The following PRDX6 variants were observed in gnomAD, a reference collection of about 807,000 sequenced individuals.
PRDX6 encodes the protein peroxiredoxin-6.
A neutral mutation model predicts 20.0 loss-of-function variants in PRDX6; 13 were observed. That is an observed-to-expected ratio of 0.65 (90% CI 0.42 to 1.03). PRDX6 has a LOEUF of 1.03. Ranked by LOEUF, PRDX6 falls within the 50% of genes least tolerant of loss-of-function variation. PRDX6 has a pLI of 0.00. For missense variants in PRDX6, 203 were observed against 276.9 expected (o/e 0.73, Z 1.89); for synonymous variants, 85 against 100.8 (o/e 0.84, Z 0.94).
chr1:173,478,221 C>G (rs1658738377), intron 1 of PRDX6, among the ~76,000 whole-genome samples: 1 of 152,236 alleles, frequency 6.6e-6, no homozygotes, highest in African/African-American at 2.4e-5. Context: ...GAACACTCTG[C>G]GTAGGTGTGC....
chr1:173,481,473 C>T lies in PRDX6; in HGVS notation c.243C>T (p.Ala81=). 1 of 1,613,982 alleles carries T rather than the reference C, an allele frequency of 6.2e-7. No individual in the cohort carries two copies. The highest frequency in any genetic ancestry group is 8.5e-7 in the Non-Finnish European group (1 of 1,179,882). Residue 81 remains alanine, a synonymous_variant, in exon 2 of 5, where the codon GCC becomes GCT. Coordinates refer to ENST00000340385, the MANE Select transcript of PRDX6 (RefSeq NM_004905.3). ...LSIDSVEDHL[A]WSKDINAYNC... is the part of the protein sequence containing the mutation. ...TAGACAGTGTTGAGGACCATCTTGC[C>T]TGGAGCAAGGTTAGTATCAATTGGC...
At chr1:173,487,694 C>T (rs922074846) in intron 4 of PRDX6, 41 bp from the exon 5 acceptor site, 1 of 1,610,234 alleles carries the variant, frequency 6.2e-7, no homozygotes, top group African/African-American at 1.3e-5. Flanking sequence ...TGAAGCTTCA[C>T]TATGAGATTG....
chr1:173,477,915 C>T (rs1339932769), intron 1 of PRDX6, among the ~76,000 whole-genome samples: 1 of 152,220 alleles, frequency 6.6e-6, no homozygotes, highest in Non-Finnish European at 1.5e-5. Flanking sequence ...GCGGCATTGA[C>T]GATCACTTCC....
chr1:173,483,789 A>G (rs1658843867), intron 2 of PRDX6, among the ~76,000 whole-genome samples: 1 of 152,110 alleles, frequency 6.6e-6, no homozygotes. Flanking sequence ...TTATGTACAG[A>G]GTTGCCCACA....
At position 173,482,658 on chromosome 1, in the gene PRDX6, G is replaced by A. The variant is rs80300542; in HGVS notation, c.252+1176G>A. 9.0e-3 allele frequency among the ~76,000 whole-genome samples: 1,370 copies of A among 152,242 alleles called. 18 individuals are homozygous for A. The highest frequency in any genetic ancestry group is 0.03 in the African/African-American group (1,256 of 41,524). ...ATGTATACTAGAAACTATGTCAAAC[G>A]TGCAGTTGAATAAAAGATGTATTGA... On this transcript the variant is annotated intron_variant, in intron 2 of 4. Transcript: ENST00000340385.
At position 173,486,296 on chromosome 1, in the gene PRDX6, C is replaced by CCTCT. The variant is rs1230102111; in HGVS notation, c.442_445dup (p.Tyr149SerfsTer11). 6.2e-7 allele frequency: 1 copy of CCTCT among 1,612,240 alleles called. No individual in the cohort carries two copies. Among genetic ancestry groups the CCTCT allele is most frequent in the African/African-American group, 1.3e-5 (1 of 74,846 alleles). ...CTGATAAGAAGCTGAAGCTGTCTAT[C>CCTCT]CTCTACCCAGCTACCACTGGCAGGA... On this transcript the variant is annotated frameshift_variant, in exon 4 of 5. Coordinates refer to ENST00000340385, the MANE Select transcript of PRDX6 (RefSeq NM_004905.3). LOFTEE classifies it high-confidence loss of function.
At chr1:173,487,014 T>C (rs1487947046) in intron 4 of PRDX6, among the ~76,000 whole-genome samples, 1 of 152,250 alleles carries the variant, frequency 6.6e-6, no homozygotes, top group Non-Finnish European at 1.5e-5. Flanking sequence ...TTATTACTTA[T>C]TTATGTACTT....
chr1:173,487,962 C>A lies in PRDX6; in HGVS notation c.*99C>A. On this transcript the variant is annotated 3_prime_UTR_variant, in exon 5 of 5. Coordinates refer to ENST00000340385, the MANE Select transcript of PRDX6 (RefSeq NM_004905.3). Reference sequence around the variant, plus strand: ...AAACACATCCTGGTGTCATCACAGCCAAGGTTTTTAGGTTGCTATACCAAT... The same window carrying A: ...AAACACATCCTGGTGTCATCACAGCAAAGGTTTTTAGGTTGCTATACCAAT... 6.7e-7 allele frequency: 1 copy of A among 1,490,178 alleles called. No homozygotes were observed. 92.3% of individuals were successfully genotyped at this position (1,490,178 alleles called of 1,614,324 possible).
intron 4 of PRDX6, among the ~76,000 whole-genome samples, chr1:173,487,314 G>A (rs1015524458): frequency 6.6e-6 from 1 of 152,194 alleles, no homozygotes. Context: ...ATAGGCAGAA[G>A]GAGCAGTTAG....
At chr1:173,484,815 C>A (rs574692680) in intron 2 of PRDX6, among the ~76,000 whole-genome samples, 1 of 148,236 alleles carries the variant, frequency 6.7e-6, no homozygotes, top group Admixed American at 6.7e-5. Flanking sequence ...TTCAACTCTC[C>A]ATTCTTGTGT....
chr1:173,487,429 A>G (rs1658919502), intron 4 of PRDX6, among the ~76,000 whole-genome samples: 1 of 152,198 alleles, frequency 6.6e-6, no homozygotes, highest in South Asian at 2.1e-4. Flanking sequence ...GGGACAAGAG[A>G]TGAGAGGAGG....
chr1:173,479,376 A>G (rs1266978911), intron 1 of PRDX6, among the ~76,000 whole-genome samples: 2 of 152,116 alleles, frequency 1.3e-5, no homozygotes, highest in African/African-American at 4.8e-5. Flanking sequence ...TTTTTGCCTG[A>G]TTTTTCCAAT....
chr1:173,477,617 C>A, intron 1 of PRDX6, 125 bp downstream of exon 1: 4 of 786,900 alleles, frequency 5.1e-6, no homozygotes, highest in Non-Finnish European at 8.0e-6. Context: ...CGCCTTCCCC[C>A]GCACTGGTTC....
chr1:173,484,508 C>T (rs761033441), intron 2 of PRDX6, among the ~76,000 whole-genome samples: 6 of 152,092 alleles, frequency 3.9e-5, no homozygotes, highest in African/African-American at 9.6e-5. Flanking sequence ...AGGGAGGAGC[C>T]GTGTCTTACT....
chr1:173,481,468 C>G lies in PRDX6; in HGVS notation c.238C>G (p.Leu80Val), dbSNP rs1441262135. Residue 80 changes from leucine to valine, a missense_variant, in exon 2 of 5, where the codon CTT becomes GTT. By Grantham distance (32) the Leu-to-Val change is conservative (BLOSUM62 1). Transcript: ENST00000340385. ...ALSIDSVEDH[L>V]AWSKDINAYN... ...TTCAATAGACAGTGTTGAGGACCAT[C>G]TTGCCTGGAGCAAGGTTAGTATCAA... 1 of 1,614,060 alleles carries G rather than the reference C, an allele frequency of 6.2e-7. No individual in the cohort carries two copies. Among genetic ancestry groups the G allele is most frequent in the Non-Finnish European group, 8.5e-7 (1 of 1,179,954 alleles).
At position 173,487,695 on chromosome 1, in the gene PRDX6, T is replaced by C. The variant is rs1172788545; in HGVS notation, c.547-40T>C. On this transcript the variant is annotated intron_variant, in intron 4 of 4. Coordinates refer to ENST00000340385, the MANE Select transcript of PRDX6 (RefSeq NM_004905.3). The stretch of plus-strand genomic sequence containing the variant: ...ATTCCTGAAGGCCTTGAAGCTTCAC[T>C]ATGAGATTGAATTTCACCATTCTCA... The C allele has an allele frequency of 3.1e-6, 5 of 1,610,396 alleles. No individual in the cohort carries two copies. In the African/African-American group the frequency reaches 5.4e-5, roughly 17 times the overall value.
In PRDX6 at chr1:173,488,792, C is replaced by T. The variant is rs1658947570; in HGVS notation, c.*929C>T. ...ACTTTTTAGGGAACAAAATAAAATC[C>T]TTTGTTAAAACTGGGTCAGAGAATT... is the stretch of plus-strand genomic sequence containing the variant. On this transcript the variant is annotated 3_prime_UTR_variant, in exon 5 of 5. Transcript: ENST00000340385. 6.6e-6 allele frequency: 1 copy of T among 152,120 alleles called. No individual in the cohort carries two copies. Among genetic ancestry groups the T allele is most frequent in the South Asian group, 2.1e-4 (1 of 4,816 alleles). 9.4% of individuals were successfully genotyped at this position (152,120 alleles called of 1,614,324 possible).
At position 173,477,375 on chromosome 1, in the gene PRDX6, G is replaced by T; in HGVS notation, c.-23G>T. 1.9e-6 allele frequency: 3 copies of T among 1,583,504 alleles called. No individual in the cohort carries two copies. The South Asian group carries it at 3.4e-5, about 18-fold the overall frequency. ...CCAACCGGTTGCTTGCTGTCCCAGC[G>T]GCGCCCCCTCATCACCGTCGCCATG... On this transcript the variant is annotated 5_prime_UTR_variant, in exon 1 of 5. Transcript: ENST00000340385.
chr1:173,484,116 C>CA (rs1231778337), intron 2 of PRDX6, among the ~76,000 whole-genome samples: 1,629 of 50,152 alleles, frequency 0.032, 118 homozygotes, highest in African/African-American at 0.11. Context: ...GACTCTGTCT[C>CA]AAAAAAAAAA....
Sources: gnomAD v4.1 joint callset for allele counts (sites outside exome capture counted in the v4.1 genomes callset) on GRCh38, gnomAD v4.1.1 for gene constraint, MANE v1.5 for transcripts, NCBI Gene and HGNC (gene_info 2026-07-23, HGNC 2026-07-21) for gene names.